The following MTUS2 variants were observed in gnomAD, a reference collection of about 807,000 sequenced individuals.
MTUS2 encodes microtubule associated scaffold protein 2, also known as microtubule-associated tumor suppressor candidate 2.
Under a neutral mutation model 114.1 loss-of-function variants are expected in MTUS2, and 40 were observed. The observed-to-expected ratio is 0.35, with a 90% CI of 0.27 to 0.46. The LOEUF is 0.46. Ranked by LOEUF, MTUS2 falls within the 20% of genes least tolerant of loss-of-function variation. The pLI is 1.00. For missense variants in MTUS2, 1,679 were observed against 1,705.4 expected, an observed-to-expected ratio of 0.98 and a Z score of 0.27; for synonymous variants, 688 against 672.0, an observed-to-expected ratio of 1.02 and a Z score of -0.37.
intron 12 of MTUS2, among the ~76,000 whole-genome samples, chr13:29,497,007 T>A (rs529400758): frequency 6.6e-6 from 1 of 152,216 alleles, no homozygotes; most frequent in South Asian, 2.1e-4. Context: ...TTTTGTGGTG[T>A]CTTCCTGACA....
intron 5 of MTUS2, among the ~76,000 whole-genome samples, chr13:29,107,769 C>G (rs796834794): frequency 2.0e-5 from 3 of 152,262 alleles, no homozygotes; most frequent in African/African-American, 7.2e-5. Context: ...AGTTTCCAAA[C>G]TTAGATGTCT....
chr13:29,426,047 T>C (rs1876498821), intron 8 of MTUS2, among the ~76,000 whole-genome samples: 1 of 152,200 alleles, frequency 6.6e-6, no homozygotes. Flanking sequence ...ATTCTTTAAA[T>C]CAATGTAGGG....
intron 4 of MTUS2, among the ~76,000 whole-genome samples, chr13:29,046,243 G>C (rs1887611766): frequency 6.6e-6 from 1 of 151,126 alleles, no homozygotes; most frequent in Admixed American, 6.6e-5. Context: ...CTTCCAAGCA[G>C]CTGGGACTAT....
At chr13:29,341,435 C>T (rs979700602) in intron 7 of MTUS2, among the ~76,000 whole-genome samples, 1 of 151,864 alleles carries the variant, frequency 6.6e-6, no homozygotes, top group Non-Finnish European at 1.5e-5. Flanking sequence ...TGTTTGTTGG[C>T]AATTTGTATA....
chr13:29,495,583 A>G (rs1460732775), intron 12 of MTUS2, among the ~76,000 whole-genome samples: 2 of 152,032 alleles, frequency 1.3e-5, no homozygotes, highest in Non-Finnish European at 1.5e-5. Flanking sequence ...AGAAAAGTTC[A>G]TGGGAGGCTA....
intron 8 of MTUS2, among the ~76,000 whole-genome samples, chr13:29,364,488 T>A (rs949130531): frequency 6.6e-6 from 1 of 152,192 alleles, no homozygotes; most frequent in African/African-American, 2.4e-5. Flanking sequence ...AAACTCCTCA[T>A]AGTGAAGCTG....
At position 29,503,296 on chromosome 13, in the gene MTUS2, C is replaced by T; in HGVS notation, c.*90C>T. ...CGACCCGGTGCCGCCGGAGCTGGCCCTGTGCGCATGCTCAGTAGCTGCGAA... is the reference window on the plus strand; with the variant it reads ...CGACCCGGTGCCGCCGGAGCTGGCCTTGTGCGCATGCTCAGTAGCTGCGAA... On this transcript the variant is annotated 3_prime_UTR_variant, in exon 16 of 16. Transcript: ENST00000612955. 1 of 1,447,890 alleles carries T rather than the reference C, an allele frequency of 6.9e-7. No homozygotes were observed. The allele number at this position is 1,447,890 out of a possible 1,614,324, so 89.7% of individuals were successfully genotyped here.
intron 2 of MTUS2, among the ~76,000 whole-genome samples, chr13:28,950,039 C>A (rs945330275): frequency 4.6e-5 from 7 of 152,230 alleles, no homozygotes; most frequent in African/African-American, 1.7e-4. Flanking sequence ...GTACTATTTT[C>A]CACAATGGTT....
At chr13:29,207,292 T>C in intron 5 of MTUS2, among the ~76,000 whole-genome samples, 1 of 152,234 alleles carries the variant, frequency 6.6e-6, no homozygotes, top group East Asian at 1.9e-4. Flanking sequence ...GTGAAACTGC[T>C]GAATTCATTT....
intron 7 of MTUS2, among the ~76,000 whole-genome samples, chr13:29,342,115 C>T (rs1216509855): frequency 2.6e-5 from 4 of 151,904 alleles, no homozygotes; most frequent in African/African-American, 9.7e-5. Flanking sequence ...TTTGCTTAGC[C>T]TTGCTTTGGC....
rs189280563 is a variant in MTUS2, at chr13:28,999,555, A to G, written c.-242-24902A>G. Reference sequence around the variant, plus strand: ...TACCATGTGATATTTCAATATGTGCATAATTGTGTAATGATCAAATCAGGA... The same window carrying G: ...TACCATGTGATATTTCAATATGTGCGTAATTGTGTAATGATCAAATCAGGA... On this transcript the variant is annotated intron_variant, in intron 2 of 15. Coordinates refer to ENST00000612955, the MANE Select transcript of MTUS2 (RefSeq NM_001033602.4). Among the ~76,000 whole-genome samples, 7 of 152,374 alleles carry G rather than the reference A, an allele frequency of 4.6e-5. No individual in the cohort carries two copies. In the East Asian group the frequency reaches 1.2e-3, roughly 25 times the overall value.
intron 6 of MTUS2, among the ~76,000 whole-genome samples, chr13:29,323,854 A>G (rs1245026995): frequency 6.6e-6 from 1 of 152,170 alleles, no homozygotes; most frequent in Non-Finnish European, 1.5e-5. Flanking sequence ...ATGACCTAAC[A>G]GTGTGCTGAA....
At chr13:29,245,841 C>T (rs528804654) in intron 5 of MTUS2, among the ~76,000 whole-genome samples, 4 of 152,080 alleles carry the variant, frequency 2.6e-5, no homozygotes, top group Admixed American at 6.5e-5. Context: ...GGACTATAGG[C>T]GCCTGCCACC....
At chr13:28,911,409 C>T (rs540303872) in intron 2 of MTUS2, among the ~76,000 whole-genome samples, 4 of 151,936 alleles carry the variant, frequency 2.6e-5, no homozygotes, top group East Asian at 1.9e-4. Flanking sequence ...CTCCTGACCT[C>T]GTGATCCACC....
At position 29,291,294 on chromosome 13, in the gene MTUS2, C is replaced by T. The variant is rs1898703497; in HGVS notation, c.2806+9429C>T. Among the ~76,000 whole-genome samples, 4 of 152,318 alleles carry T rather than the reference C, an allele frequency of 2.6e-5. No homozygotes were observed. In the South Asian group the frequency reaches 8.3e-4, roughly 32 times the overall value. ...GGCCCACAGTGAGGGGCAGCCCCAG[C>T]CACTGGAGAGCCAGTGAGACACGCC... On this transcript the variant is annotated intron_variant, in intron 6 of 15. Transcript: ENST00000612955.
chr13:29,015,800 A>G (rs984411694), intron 2 of MTUS2, among the ~76,000 whole-genome samples: 7 of 152,196 alleles, frequency 4.6e-5, no homozygotes, highest in Non-Finnish European at 8.8e-5. Context: ...CATGACATGC[A>G]AAGTGAAAAA....
intron 5 of MTUS2, among the ~76,000 whole-genome samples, chr13:29,167,738 C>CA (rs1334876434): frequency 6.6e-6 from 1 of 152,048 alleles, no homozygotes; most frequent in Non-Finnish European, 1.5e-5. Context: ...ACATGATGCT[C>CA]AAAGCAAATG....
intron 2 of MTUS2, among the ~76,000 whole-genome samples, chr13:28,892,269 G>A (rs183268595): frequency 1.3e-4 from 20 of 152,290 alleles, no homozygotes; most frequent in Non-Finnish European, 2.5e-4. Flanking sequence ...ATGTGTGCGG[G>A]TGGCGCTTGG....
At position 29,025,947 on chromosome 13, in the gene MTUS2, T is replaced by C. The variant is rs1247737379; in HGVS notation, c.1249T>C (p.Cys417Arg). 1.2e-6 allele frequency: 2 copies of C among 1,613,970 alleles called. No homozygotes were observed. Among genetic ancestry groups the C allele is most frequent in the South Asian group, 1.1e-5 (1 of 91,074 alleles). ...TCAGCCCACTGGCAAAATTTCACCA[T>C]GTGCAGGTGAGAAGTTGGGTGAAAG... ...DNQPTGKISPCAGEKLGERTS... is the reference protein window; with the variant it reads ...DNQPTGKISPRAGEKLGERTS... The change falls in exon 3 of 16, where the codon TGT becomes CGT. Residue 417 changes from cysteine to arginine, a missense_variant. This residue lies in a region of MTUS2 where 843 missense variants were observed against 770.8 expected (regional missense o/e 1.09). Transcript: ENST00000612955.
Sources: gnomAD v4.1 joint callset for allele counts (sites outside exome capture counted in the v4.1 genomes callset) on GRCh38, gnomAD v4.1.1 for gene constraint, gnomAD v4.1.1 regional missense constraint, MANE v1.5 for transcripts, NCBI Gene and HGNC (gene_info 2026-07-23, HGNC 2026-07-21) for gene names.